Variants in KRT20 observed in about 807,000 individuals in gnomAD.
The protein encoded by KRT20 is keratin, type I cytoskeletal 20.
A neutral mutation model predicts 43.0 loss-of-function variants in KRT20; 41 were observed. That is an observed-to-expected ratio of 0.95 (90% confidence interval 0.74 to 1.24). KRT20 has a LOEUF of 1.24. Ranked by LOEUF, KRT20 falls within the 50% of genes most tolerant of loss-of-function variation. The pLI, the probability that KRT20 is intolerant of heterozygous loss-of-function variation, is 0.00. For missense variants in KRT20, 533 were observed against 521.2 expected (o/e 1.02, Z -0.22); for synonymous variants, 207 against 200.6 (o/e 1.03, Z -0.27).
intron 2 of KRT20, among the ~76,000 whole-genome samples, chr17:40,881,235 G>GTA (rs1214380669): frequency 1.3e-5 from 2 of 151,246 alleles, no homozygotes; most frequent in African/African-American, 4.9e-5. Flanking sequence ...CACTGTGTGT[G>GTA]TGTGTGTGTG....
chr17:40,877,762 C>T (rs973562099), intron 6 of KRT20, among the ~76,000 whole-genome samples: 2 of 152,166 alleles, frequency 1.3e-5, no homozygotes, highest in East Asian at 3.8e-4. Context: ...TTATGATTCT[C>T]AGACTGGCTC....
rs764495300 is a variant in KRT20 at position 40,885,052 on chromosome 17, C to G, written c.134G>C (p.Arg45Pro). ...VYGGAGGRGI[R>P]ISNSRHTVNY... The stretch of plus-strand genomic sequence containing the variant: ...CACCGTGTGTCTGGAGTTGGAGATG[C>G]GGATGCCCCGGCCTCCAGCACCCCC... Residue 45 changes from arginine (R) to proline (P), a missense_variant, in exon 1 of 8, where the codon CGC becomes CCC. By Grantham distance (103) the Arg-to-Pro change is moderately radical. Transcript: ENST00000167588. 6.2e-7 allele frequency: 1 copy of G among 1,614,172 alleles called. No individual in the cohort carries two copies. The highest frequency in any genetic ancestry group is 8.5e-7 in the Non-Finnish European group (1 of 1,180,036).
At chr17:40,878,942 C>T (rs1907469139) in intron 5 of KRT20, among the ~76,000 whole-genome samples, 1 of 152,128 alleles carries the variant, frequency 6.6e-6, no homozygotes, top group South Asian at 2.1e-4. Context: ...GCTGGGATTA[C>T]AGGCACACAC....
At chr17:40,879,768 G>T in intron 5 of KRT20, 45 bp downstream of exon 5, 1 of 1,607,340 alleles carries the variant, frequency 6.2e-7, no homozygotes, top group South Asian at 1.1e-5. Context: ...GAGGACCTTG[G>T]TAAACACATA....
chr17:40,882,469 A>G (rs892443319), intron 2 of KRT20, 103 bp downstream of exon 2: 4 of 468,970 alleles, frequency 8.5e-6, no homozygotes, highest in Non-Finnish European at 1.5e-5. Context: ...TGGACATTGA[A>G]CCGTGCTTCC....
chr17:40,882,988 G>A (rs1907667491), intron 1 of KRT20, among the ~76,000 whole-genome samples: 1 of 152,122 alleles, frequency 6.6e-6, no homozygotes. Flanking sequence ...GGGATTACAG[G>A]CGTGAGCCAC....
In KRT20 at chr17:40,884,873, A is replaced by G; in HGVS notation, c.313T>C (p.Trp105Arg). 1.2e-6 allele frequency: 2 copies of G among 1,614,196 alleles called. No individual in the cohort carries two copies. The highest frequency in any genetic ancestry group is 1.7e-6 in the Non-Finnish European group (2 of 1,180,032). The change falls in exon 1 of 8, where the codon TGG (tryptophan) becomes CGG (arginine). Residue 105 changes from tryptophan to arginine, a missense_variant. Trp to Arg is a moderately radical substitution (Grantham distance 101). Coordinates refer to ENST00000167588, the MANE Select transcript of KRT20 (RefSeq NM_019010.3). The stretch of plus-strand genomic sequence containing the variant: ...GCCCTCGGGGCGTTGGTTTCGTACC[A>G]CTGCTTGATTTGCACTTCAAGTTTG... ...NSKLEVQIKQ[W>R]YETNAPRAGR...
rs751914731 is a variant in KRT20 at position 40,879,911 on chromosome 17, C to T, written c.820G>A (p.Val274Met). ...QTAVLQQQVT[V>M]NTEELKGTEV... ...GTTCCTTTTAATTCTTCAGTATTCA[C>T]TGTGACCTGTTGCTGCAGAACTGCA... The change falls in exon 5 of 8, where the codon GTG (valine) becomes ATG (methionine). Residue 274 changes from valine (V) to methionine (M), a missense_variant. Coordinates refer to ENST00000167588, the MANE Select transcript of KRT20 (RefSeq NM_019010.3). 8 of 1,613,550 alleles carry T rather than the reference C, an allele frequency of 5.0e-6. No individual in the cohort carries two copies. The East Asian group carries it at 1.6e-4, about 31-fold the overall frequency.
chr17:40,881,600 TGA>T (rs1907601683), intron 2 of KRT20, among the ~76,000 whole-genome samples: 1 of 152,174 alleles, frequency 6.6e-6, no homozygotes, highest in South Asian at 2.1e-4. Context: ...CACTGCAATG[TGA>T]CACTCAGTGC....
At chr17:40,883,819 G>A (rs775339317) in intron 1 of KRT20, among the ~76,000 whole-genome samples, 8 of 152,140 alleles carry the variant, frequency 5.3e-5, no homozygotes, top group South Asian at 4.1e-4. Flanking sequence ...ACTTTATTCC[G>A]GAAGGGCTAT....
chr17:40,878,540 A>T (rs990407212), intron 5 of KRT20, among the ~76,000 whole-genome samples, 175 bp from the exon 6 acceptor site: 1 of 152,112 alleles, frequency 6.6e-6, no homozygotes, highest in African/African-American at 2.4e-5. Flanking sequence ...GCCAGCTAGG[A>T]TCATTAGCTC....
chr17:40,884,925 C>T lies in KRT20; in HGVS notation c.261G>A (p.Lys87=). The T allele has an allele frequency of 6.2e-7, 1 of 1,614,174 alleles. No individual in the cohort carries two copies. Among genetic ancestry groups the T allele is most frequent in the Non-Finnish European group, 8.5e-7 (1 of 1,180,040 alleles). ...AGTTGGACTGCTCCAGGGTCCGCAC[C>T]TTTTCTAGGTAGCTCGCTAGACGGT... ...LNDRLASYLE[K]VRTLEQSNSK... The change falls in exon 1 of 8, where the codon AAG becomes AAA. Residue 87 remains lysine (K), a synonymous_variant. Coordinates refer to ENST00000167588, the MANE Select transcript of KRT20 (RefSeq NM_019010.3).
At chr17:40,883,818 C>T (rs950079132) in intron 1 of KRT20, among the ~76,000 whole-genome samples, 2 of 152,168 alleles carry the variant, frequency 1.3e-5, no homozygotes, top group Non-Finnish European at 2.9e-5. Flanking sequence ...AACTTTATTC[C>T]GGAAGGGCTA....
intron 2 of KRT20, among the ~76,000 whole-genome samples, chr17:40,881,755 T>C (rs1169139125): frequency 1.3e-5 from 2 of 152,240 alleles, no homozygotes; most frequent in African/African-American, 2.4e-5. Context: ...ATTGTACAAA[T>C]TCAGGATGAA....
At position 40,882,689 on chromosome 17, in the gene KRT20, T is replaced by TTTA. The variant is rs1555553992; in HGVS notation, c.391-36_391-35insTAA. 1,157 of 530,978 alleles carry TTTA rather than the reference T, an allele frequency of 2.2e-3. 15 individuals are homozygous for TTTA. The highest frequency in any genetic ancestry group is 0.021 in the African/African-American group (909 of 44,036). 32.9% of individuals were successfully genotyped at this position (530,978 alleles called of 1,614,324 possible). A position where few individuals can be genotyped will look rare whatever the true frequency, so the allele number is the denominator to read the frequency against. On this transcript the variant is annotated intron_variant, in intron 1 of 7. Transcript: ENST00000167588. ...ACATGAGAAAGAATGACATTTTCTTTTTTATTTATTTATTTATTTATTTAT... is the reference window on the plus strand; with the variant it reads ...ACATGAGAAAGAATGACATTTTCTTTTTATTTATTTATTTATTTATTTATTTAT...
intron 5 of KRT20, 98 bp downstream of exon 5, chr17:40,879,715 G>A: frequency 5.2e-6 from 7 of 1,340,074 alleles, no homozygotes; most frequent in East Asian, 2.3e-5. Context: ...GCAAGGGGAA[G>A]GGTTATTTCT....
chr17:40,882,686 C>CTTT, intron 1 of KRT20, 32 bp from the exon 2 acceptor site: 1 of 690,014 alleles, frequency 1.4e-6, no homozygotes, highest in Non-Finnish European at 2.1e-6. Context: ...ATGACATTTT[C>CTTT]TTTTTTATTT....
In KRT20 at chr17:40,876,315, C is replaced by G; in HGVS notation, c.*46G>C. ...GCAGGGAGCAAAGATAAGATTATAG[C>G]CAAATTTCTTTCAAAACCTCAGCAG... On this transcript the variant is annotated 3_prime_UTR_variant, in exon 8 of 8. Coordinates refer to ENST00000167588, the MANE Select transcript of KRT20 (RefSeq NM_019010.3). The G allele has an allele frequency of 7.9e-7, 1 of 1,264,838 alleles. No individual in the cohort carries two copies. Among genetic ancestry groups the G allele is most frequent in the Non-Finnish European group, 1.2e-6 (1 of 862,584 alleles). The allele number at this position is 1,264,838 out of a possible 1,614,324, so 78.4% of individuals were successfully genotyped here.
At position 40,876,231 on chromosome 17, in the gene KRT20, A is replaced by C; in HGVS notation, c.*130T>G. 1.9e-6 allele frequency: 1 copy of C among 534,334 alleles called. No homozygotes were observed. The highest frequency in any genetic ancestry group is 2.9e-5 in the East Asian group (1 of 34,850). The allele number at this position is 534,334 out of a possible 1,614,324, so 33.1% of individuals were successfully genotyped here. A position where few individuals can be genotyped will look rare whatever the true frequency, so the allele number is the denominator to read the frequency against. On this transcript the variant is annotated 3_prime_UTR_variant, in exon 8 of 8. Coordinates refer to ENST00000167588, the MANE Select transcript of KRT20 (RefSeq NM_019010.3). ...GAGTCTGATAAATAGGATTCCCGCC[A>C]CCCCACCCCTTCTAATCACTGCAGA... is the stretch of plus-strand genomic sequence containing the variant.
Sources: allele counts gnomAD v4.1 joint callset (sites outside exome capture counted in the v4.1 genomes callset), GRCh38; gene constraint gnomAD v4.1.1; transcripts MANE v1.5; gene names NCBI Gene and HGNC (gene_info 2026-07-23, HGNC 2026-07-21).